Variants in TBC1D15 observed in about 807,000 individuals in gnomAD.
The protein encoded by TBC1D15 is TBC1 domain family member 15, also known as GAP for RAB7.
In TBC1D15, 39 loss-of-function variants were observed where a neutral mutation model predicts 95.4. The observed-to-expected ratio is 0.41, with a 90% CI of 0.32 to 0.53. The LOEUF (loss-of-function observed/expected upper bound fraction) is 0.53. TBC1D15 is among the 20% of genes least tolerant of loss of function. The pLI is 0.29. For missense variants in TBC1D15, 733 were observed against 794.3 expected, an observed-to-expected ratio of 0.92 and a Z score of 0.93; for synonymous variants, 258 against 261.3, an observed-to-expected ratio of 0.99 and a Z score of 0.12.
Position 71,849,160 on chromosome 12 carries a change from T to C in TBC1D15, c.30+9349T>C, listed in dbSNP as rs1425448026. ...TAAAAGTATCAGAAGTTAACTGTGATTATAAAAAAAAAAAAAAACAAAAAA... is the reference window on the plus strand; with the variant it reads ...TAAAAGTATCAGAAGTTAACTGTGACTATAAAAAAAAAAAAAAACAAAAAA... On this transcript the variant is annotated intron_variant, in intron 1 of 16. Transcript: ENST00000485960. 37 of 280,026 alleles carry C rather than the reference T, an allele frequency of 1.3e-4. No homozygotes were observed. In the East Asian group the frequency reaches 2.0e-3, roughly 15 times the overall value. The allele number at this position is 280,026 out of a possible 1,614,324, so 17.3% of individuals were successfully genotyped here.
At chr12:71,854,565 G>A (rs544169181) in intron 1 of TBC1D15, 8 of 456,496 alleles carry the variant, frequency 1.8e-5, no homozygotes, top group African/African-American at 6.0e-5. Flanking sequence ...TCTGACAGGC[G>A]ACATTATCAG....
At chr12:71,899,637 A>G (rs560136702) in intron 10 of TBC1D15, among the ~76,000 whole-genome samples, 11 of 152,346 alleles carry the variant, frequency 7.2e-5, no homozygotes, top group South Asian at 2.1e-4. Context: ...TACTTTAAGT[A>G]TGATGAGACT....
intron 11 of TBC1D15, among the ~76,000 whole-genome samples, chr12:71,911,670 G>A (rs1902389081): frequency 6.6e-6 from 1 of 150,942 alleles, no homozygotes. Flanking sequence ...TATACCTAAT[G>A]CTAAATGATG....
At chr12:71,902,670 A>G (rs1899684865) in intron 10 of TBC1D15, among the ~76,000 whole-genome samples, 1 of 152,232 alleles carries the variant, frequency 6.6e-6, no homozygotes, top group African/African-American at 2.4e-5. Flanking sequence ...CGACCCAGGC[A>G]AAGACTTCAT....
At chr12:71,887,410 A>T (rs1165329012) in intron 5 of TBC1D15, among the ~76,000 whole-genome samples, 1 of 152,212 alleles carries the variant, frequency 6.6e-6, no homozygotes, top group African/African-American at 2.4e-5. Context: ...ATGCAACATT[A>T]AATAAAATCC....
chr12:71,899,834 C>T (rs1389054543), intron 10 of TBC1D15, among the ~76,000 whole-genome samples: 7 of 152,086 alleles, frequency 4.6e-5, no homozygotes, highest in Non-Finnish European at 7.3e-5. Flanking sequence ...GTGGCTCACA[C>T]CTGTAATCCC....
chr12:71,860,294 T>G (rs946743996), intron 1 of TBC1D15, among the ~76,000 whole-genome samples: 1 of 152,208 alleles, frequency 6.6e-6, no homozygotes, highest in African/African-American at 2.4e-5. Flanking sequence ...GGGAAGGTTG[T>G]CATTGGTATT....
intron 3 of TBC1D15, among the ~76,000 whole-genome samples, 171 bp from the exon 4 acceptor site, chr12:71,880,298 T>TG (rs112636488): frequency 4.0e-5 from 6 of 151,726 alleles, no homozygotes; most frequent in African/African-American, 1.4e-4. Flanking sequence ...TTCCTTTTTT[T>TG]TTTTTTTTTC....
At position 71,877,496 on chromosome 12, in the gene TBC1D15, T is replaced by TTTTC. The variant is rs1397462755; in HGVS notation, c.205-2971_205-2970insTCTT. ...ATTTTAAAATCTTTTCTTTCCTGTTTTTCCTTCCTTCCTTCCTTCCTTCCT... is the reference window on the plus strand; with the variant it reads ...ATTTTAAAATCTTTTCTTTCCTGTTTTTTCTTCCTTCCTTCCTTCCTTCCTTCCT... On this transcript the variant is annotated intron_variant, in intron 3 of 16. Transcript: ENST00000485960. Among the ~76,000 whole-genome samples the TTTTC allele has an allele frequency of 3.3e-3, 295 of 89,712 alleles. 5 individuals carry two copies. The highest frequency in any genetic ancestry group is 3.6e-3 in the Non-Finnish European group (159 of 44,218). 58.9% of individuals were successfully genotyped at this position (89,712 alleles called of 152,430 possible).
At chr12:71,907,617 T>C (rs767912439) in intron 11 of TBC1D15, 2 of 152,322 alleles carry the variant, frequency 1.3e-5, no homozygotes, top group Non-Finnish European at 2.9e-5. Flanking sequence ...TGAATACTTA[T>C]TCAGTTGTTT....
intron 9 of TBC1D15, 147 bp downstream of exon 9, chr12:71,896,927 G>A: frequency 1.7e-6 from 1 of 572,806 alleles, no homozygotes; most frequent in Non-Finnish European, 3.0e-6. Flanking sequence ...AAAATTATGA[G>A]CATTCTAATT....
rs544452565 is a variant in TBC1D15 at position 71,842,822 on chromosome 12, C to A, written c.30+3011C>A. On this transcript the variant is annotated intron_variant, in intron 1 of 16. Transcript: ENST00000485960. ...CTCCAGCTTGGGTGACAGACCAAGA[C>A]CCTGTCTCAAAAAAAAAAAAAAAAA... Among the ~76,000 whole-genome samples the A allele has an allele frequency of 4.4e-5, 6 of 136,408 alleles. No individual in the cohort carries two copies. The East Asian group carries it at 1.1e-3, about 25-fold the overall frequency. The allele number at this position is 136,408 out of a possible 152,430, so 89.5% of individuals were successfully genotyped here. A position where few individuals can be genotyped will look rare whatever the true frequency, so the allele number is the denominator to read the frequency against.
chr12:71,890,065 C>G (rs571500934), intron 5 of TBC1D15, among the ~76,000 whole-genome samples: 1 of 152,096 alleles, frequency 6.6e-6, no homozygotes, highest in Admixed American at 6.5e-5. Flanking sequence ...ATGTTTATTT[C>G]ATGCCTTTGC....
At chr12:71,857,883 A>G (rs1450801878) in intron 1 of TBC1D15, among the ~76,000 whole-genome samples, 2 of 152,130 alleles carry the variant, frequency 1.3e-5, no homozygotes, top group Admixed American at 6.5e-5. Flanking sequence ...CTGCTGTTCT[A>G]CTTTCTACTT....
At chr12:71,860,463 G>A (rs1054218912) in intron 1 of TBC1D15, among the ~76,000 whole-genome samples, 2 of 151,892 alleles carry the variant, frequency 1.3e-5, no homozygotes, top group Non-Finnish European at 2.9e-5. Context: ...CTTTCACCTT[G>A]GTTAAATTTA....
At position 71,920,819 on chromosome 12, in the gene TBC1D15, A is replaced by G; in HGVS notation, c.1688A>G (p.Lys563Arg). 6.2e-7 allele frequency: 1 copy of G among 1,611,268 alleles called. No homozygotes were observed. Among genetic ancestry groups the G allele is most frequent in the African/African-American group, 1.3e-5 (1 of 74,976 alleles). Residue 563 changes from lysine to arginine, a missense_variant, in exon 15 of 17, where the codon AAG becomes AGG. By Grantham distance (26) the Lys-to-Arg change is conservative (BLOSUM62 2). Transcript: ENST00000485960. ...TCAGAAAAGCAGCAAATAATGGAAA[A>G]GCATTATGGCTTCAATGAAATACTT... The part of the protein sequence containing the change: ...LESEKQQIME[K>R]HYGFNEILKH...
intron 4 of TBC1D15, among the ~76,000 whole-genome samples, chr12:71,881,441 A>T (rs1895107735): frequency 6.6e-6 from 1 of 152,162 alleles, no homozygotes; most frequent in African/African-American, 2.4e-5. Flanking sequence ...TTAGATTTTT[A>T]AAAAATACTA....
chr12:71,892,959 G>C (rs1440433838), intron 5 of TBC1D15, among the ~76,000 whole-genome samples: 1 of 151,410 alleles, frequency 6.6e-6, no homozygotes, highest in Non-Finnish European at 1.5e-5. Flanking sequence ...GGCTTTACCT[G>C]GAATAAAAAT....
chr12:71,849,610 TA>T, intron 1 of TBC1D15: 1 of 602,086 alleles, frequency 1.7e-6, no homozygotes, highest in Admixed American at 2.3e-5. Context: ...GTCAGTACCG[TA>T]AGCTCCTAAG....
Sources: allele counts gnomAD v4.1 joint callset (sites outside exome capture counted in the v4.1 genomes callset), GRCh38; gene constraint gnomAD v4.1.1; transcripts MANE v1.5; gene names NCBI Gene and HGNC (gene_info 2026-07-23, HGNC 2026-07-21).